Variants in HNRNPU observed in about 807,000 individuals in gnomAD.
The protein encoded by HNRNPU is HNRNPU antisense RNA 1.
A neutral mutation model predicts 94.7 loss-of-function variants in HNRNPU; 5 were observed. The observed-to-expected ratio is 0.05, with a 90% CI of 0.03 to 0.11. The LOEUF (loss-of-function observed/expected upper bound fraction) is 0.11. Among genes scored for constraint, HNRNPU ranks in the 10% least tolerant of loss-of-function variants. The pLI is 1.00. For synonymous variants in HNRNPU, 434 were observed against 381.6 expected, an observed-to-expected ratio of 1.14 and a Z score of -1.60; for missense variants, 710 against 1,049.2, an observed-to-expected ratio of 0.68 and a Z score of 4.47.
Position 244,864,401 on chromosome 1 carries a change from G to GGGCGGC in HNRNPU, c.-100_-95dup. 6.4e-7 allele frequency: 1 copy of GGGCGGC among 1,572,676 alleles called. No homozygotes were observed. Reference sequence around the variant, plus strand: ...GGCTGCTGCGGCTGCTCCTCGGCCCGGGCGGCGGCTGCGGCTGCGGCTGGA... The same window carrying GGGCGGC: ...GGCTGCTGCGGCTGCTCCTCGGCCCGGGCGGCGGCGGCGGCTGCGGCTGCGGCTGGA... On this transcript the variant is annotated 5_prime_UTR_variant, in exon 1 of 14. Coordinates refer to ENST00000640218, the MANE Select transcript of HNRNPU (RefSeq NM_031844.3).
intron 1 of HNRNPU, chr1:244,863,102 C>T (rs1187023541): frequency 5.0e-6 from 1 of 198,404 alleles, no homozygotes; most frequent in Admixed American, 6.2e-5. Context: ...ACTGATCTTC[C>T]GCCCCCCGCC....
intron 12 of HNRNPU, 134 bp from the exon 13 acceptor site, chr1:244,855,178 A>G: frequency 1.3e-6 from 1 of 764,102 alleles, no homozygotes; most frequent in Non-Finnish European, 2.3e-6. Context: ...CAAATTCTGG[A>G]TACCCTCTGC....
chr1:244,859,428 T>C, intron 4 of HNRNPU, 54 bp from the exon 5 acceptor site: 1 of 872,294 alleles, frequency 1.1e-6, no homozygotes, highest in Non-Finnish European at 1.9e-6. Flanking sequence ...GGTAACCCCT[T>C]AACTCTCGCA....
chr1:244,855,359 A>AT, intron 12 of HNRNPU, 65 bp downstream of exon 12: 2 of 1,483,610 alleles, frequency 1.3e-6, no homozygotes, highest in Non-Finnish European at 1.9e-6. Context: ...CCCAACATAA[A>AT]GCTCACACCT....
In HNRNPU at chr1:244,860,319, A is replaced by G; in HGVS notation, c.1017+16T>C. 1 of 1,604,534 alleles carries G rather than the reference A, an allele frequency of 6.2e-7. No individual in the cohort carries two copies. Among genetic ancestry groups the G allele is most frequent in the Non-Finnish European group, 8.5e-7 (1 of 1,175,114 alleles). ...GTCTCCACAAACAAACAAACAAATC[A>G]TAAAATTGCATTTACCTTCATCTCA... On this transcript the variant is annotated intron_variant, in intron 4 of 13. Coordinates refer to ENST00000640218, the MANE Select transcript of HNRNPU (RefSeq NM_031844.3).
intron 5 of HNRNPU, 27 bp from the exon 6 acceptor site, chr1:244,858,868 G>A (rs546314025): frequency 9.2e-6 from 10 of 1,088,696 alleles, no homozygotes; most frequent in African/African-American, 3.1e-5. Context: ...TCTTCATGAA[G>A]TAGATGTTTA....
chr1:244,855,213 A>C, intron 12 of HNRNPU, 169 bp from the exon 13 acceptor site: 1 of 709,906 alleles, frequency 1.4e-6, no homozygotes, highest in South Asian at 1.8e-5. Context: ...TTAATTTTTT[A>C]TTCATTATGA....
chr1:244,860,684 G>A (rs1049956496), intron 3 of HNRNPU: 1 of 576,724 alleles, frequency 1.7e-6, no homozygotes, highest in Non-Finnish European at 3.1e-6. Flanking sequence ...TAAACTGCCT[G>A]TGAAACTAAT....
At position 244,855,543 on chromosome 1, in the gene HNRNPU, C is replaced by G. The variant is rs762632266; in HGVS notation, c.2233G>C (p.Gly745Arg). The G allele has an allele frequency of 6.2e-7, 1 of 1,614,072 alleles. No individual in the cohort carries two copies. Among genetic ancestry groups the G allele is most frequent in the Non-Finnish European group, 8.5e-7 (1 of 1,179,966 alleles). Residue 745 changes from glycine to arginine, a missense_variant, in exon 12 of 14, where the codon GGA becomes CGA. Gly to Arg is a moderately radical substitution (Grantham distance 125). Transcript: ENST00000640218. ...TATGGATAGCCGATTCCACCACTTC[C>G]TCCACCGCCACCACCTCTCTGTGGC... is the stretch of plus-strand genomic sequence containing the variant. ...NMPQRGGGGGGSGGIGYPYPR... is the reference protein window; with the variant it reads ...NMPQRGGGGGRSGGIGYPYPR...
rs1680946127 is a variant in HNRNPU at position 244,864,420 on chromosome 1, G to T, written c.-113C>A. On this transcript the variant is annotated 5_prime_UTR_variant, in exon 1 of 14. Transcript: ENST00000640218. ...CGGCCCGGGCGGCGGCTGCGGCTGC[G>T]GCTGGAGATGGGTTCGTGCTGCAGA... The T allele has an allele frequency of 4.6e-6, 7 of 1,537,052 alleles. No individual in the cohort carries two copies. In the South Asian group the frequency reaches 8.3e-5, roughly 18 times the overall value.
intron 2 of HNRNPU, 36 bp downstream of exon 2, chr1:244,862,580 CGAA>C (rs1431881784): frequency 1.9e-6 from 3 of 1,607,706 alleles, no homozygotes; most frequent in Non-Finnish European, 1.7e-6. Flanking sequence ...GATCAACGAA[CGAA>C]TAAGGGATGA....
chr1:244,855,690 C>A (rs1680660945), intron 11 of HNRNPU, 82 bp from the exon 12 acceptor site: 1 of 1,441,710 alleles, frequency 6.9e-7, no homozygotes, highest in South Asian at 1.3e-5. Flanking sequence ...TAGATTGTTC[C>A]TTTTTCTCCA....
chr1:244,858,117 T>C lies in HNRNPU; in HGVS notation c.1388A>G (p.Glu463Gly). ...CAVEFNFGQK[E>G]KPYFPIPEEY... is the part of the protein sequence containing the mutation. ...TTCAGGTATTGGAAAATATGGCTTT[T>C]CCTTCTGACCAAAATTAAATTCAAC... The change falls in exon 7 of 14, where the codon GAA becomes GGA. Residue 463 changes from glutamate to glycine, a missense_variant. Physicochemically the swap from Glu to Gly is moderately conservative, Grantham distance 98. Coordinates refer to ENST00000640218, the MANE Select transcript of HNRNPU (RefSeq NM_031844.3). The C allele has an allele frequency of 6.2e-7, 1 of 1,614,206 alleles. No homozygotes were observed. The highest frequency in any genetic ancestry group is 8.5e-7 in the Non-Finnish European group (1 of 1,180,028).
At position 244,858,733 on chromosome 1, in the gene HNRNPU, A is replaced by G; in HGVS notation, c.1226T>C (p.Phe409Ser). 1 of 1,536,032 alleles carries G rather than the reference A, an allele frequency of 6.5e-7. No homozygotes were observed. Among genetic ancestry groups the G allele is most frequent in the Non-Finnish European group, 9.0e-7 (1 of 1,110,816 alleles). The change falls in exon 6 of 14, where the codon TTT becomes TCT. Residue 409 changes from phenylalanine (F) to serine (S), a missense_variant. Coordinates refer to ENST00000640218, the MANE Select transcript of HNRNPU (RefSeq NM_031844.3). ...AGAAAGTTAGCTTTAACTTACAGCA[A>G]AACATGTAATCACATCATTTTCATC... ...KFDENDVITC[F>S]ANFESDEVEL...
rs1558184090 is a variant in HNRNPU, at chr1:244,851,548, ACT to A, written c.*2900_*2901del. On this transcript the variant is annotated 3_prime_UTR_variant, in exon 14 of 14. Transcript: ENST00000640218. ...TTATGTTTCCTAGAATAATTTTATAACTTTTTCAGAGAATTCCTTTAAACTTG... is the reference window on the plus strand; with the variant it reads ...TTATGTTTCCTAGAATAATTTTATAATTTTCAGAGAATTCCTTTAAACTTG... The A allele has an allele frequency of 6.6e-6, 1 of 152,236 alleles. No individual in the cohort carries two copies. The highest frequency in any genetic ancestry group is 2.4e-5 in the African/African-American group (1 of 41,470). The allele number at this position is 152,236 out of a possible 1,614,324, so 9.4% of individuals were successfully genotyped here.
At chr1:244,854,665 A>T in intron 13 of HNRNPU, 162 bp from the exon 14 acceptor site, 2 of 611,282 alleles carry the variant, frequency 3.3e-6, no homozygotes, top group Non-Finnish European at 5.8e-6. Context: ...TTAATATCCC[A>T]TAATTATCAA....
intron 8 of HNRNPU, chr1:244,857,389 G>C (rs1230682568): frequency 6.3e-6 from 3 of 474,478 alleles, no homozygotes; most frequent in Non-Finnish European, 1.1e-5. Flanking sequence ...TGGGATTACA[G>C]GAACCCACTA....
chr1:244,856,978 G>A (rs1680698214), intron 8 of HNRNPU, 122 bp from the exon 9 acceptor site: 2 of 795,278 alleles, frequency 2.5e-6, no homozygotes, highest in Non-Finnish European at 4.0e-6. Context: ...TATTACCTTT[G>A]TCCATTATTG....
chr1:244,856,197 A>G (rs375364216), intron 10 of HNRNPU, 39 bp from the exon 11 acceptor site: 5 of 1,566,716 alleles, frequency 3.2e-6, no homozygotes, highest in Non-Finnish European at 4.3e-6. Context: ...TTAGAAACCC[A>G]CCACGAATCC....
Sources: gnomAD v4.1 joint callset for allele counts on GRCh38, gnomAD v4.1.1 for gene constraint, MANE v1.5 for transcripts, NCBI Gene and HGNC (gene_info 2026-07-23, HGNC 2026-07-21) for gene names.